The following ABHD12 variants were observed in gnomAD, a reference collection of about 807,000 sequenced individuals.
ABHD12 encodes the protein abhydrolase domain containing 12, lysophospholipase.
A neutral mutation model predicts 58.3 loss-of-function variants in ABHD12; 43 were observed. The observed-to-expected ratio is 0.74, with a 90% confidence interval of 0.58 to 0.95. The LOEUF (loss-of-function observed/expected upper bound fraction) is 0.95. Ranked by LOEUF, ABHD12 falls within the 40% of genes least tolerant of loss-of-function variation. The probability of loss-of-function intolerance (pLI) is 0.00; values close to 1 mark genes in which losing one functional copy is unlikely to be tolerated. For synonymous variants in ABHD12, 219 were observed against 211.2 expected, an observed-to-expected ratio of 1.04 and a Z score of -0.32; for missense variants, 539 against 537.2, an observed-to-expected ratio of 1.00 and a Z score of -0.03.
chr20:25,303,539 C>G lies in ABHD12; in HGVS notation c.1029+11G>C, dbSNP rs779997908. 1 of 1,613,094 alleles carries G rather than the reference C, an allele frequency of 6.2e-7. No homozygotes were observed. Among genetic ancestry groups the G allele is most frequent in the Non-Finnish European group, 8.5e-7 (1 of 1,179,826 alleles). On this transcript the variant is annotated intron_variant, in intron 11 of 12. Coordinates refer to ENST00000339157, the MANE Select transcript of ABHD12 (RefSeq NM_001042472.3). ...ATGCCAGCTACACCAGAGGCAGAGG[C>G]CAGGACCCACCTTTCTGCCAAGCTG... is the stretch of plus-strand genomic sequence containing the variant.
intron 5 of ABHD12, among the ~76,000 whole-genome samples, chr20:25,315,863 T>C (rs2482948): frequency 0.62 from 93,965 of 152,226 alleles, 30,593 homozygotes; most frequent in African/African-American, 0.79. Flanking sequence ...CTGTCTGTGT[T>C]CCCTTCTGCC....
chr20:25,357,809 A>G (rs2482933), intron 1 of ABHD12, among the ~76,000 whole-genome samples: 128,267 of 152,088 alleles, frequency 0.84, 54,373 homozygotes, highest in African/African-American at 0.92. Flanking sequence ...CCAAGAGTTC[A>G]AGACCAGCCT....
intron 1 of ABHD12, among the ~76,000 whole-genome samples, chr20:25,341,975 CCTTA>C (rs1399845876): frequency 6.6e-6 from 1 of 152,038 alleles, no homozygotes; most frequent in Non-Finnish European, 1.5e-5. Context: ...CAGATCTCTG[CCTTA>C]CTGTAAGGCA....
intron 6 of ABHD12, among the ~76,000 whole-genome samples, chr20:25,312,819 T>G (rs1288232671): frequency 8.8e-5 from 13 of 148,146 alleles, no homozygotes; most frequent in African/African-American, 3.2e-4. Context: ...GGAGCGCCTC[T>G]GCCCGGCCGC....
chr20:25,368,561 T>C, intron 1 of ABHD12: 4 of 1,399,394 alleles, frequency 2.9e-6, no homozygotes, highest in African/African-American at 1.4e-5. Flanking sequence ...AGTGCCATTA[T>C]GGGTGTGAAG....
chr20:25,312,572 C>G (rs1198901581), intron 6 of ABHD12, among the ~76,000 whole-genome samples: 1 of 152,208 alleles, frequency 6.6e-6, no homozygotes, highest in Admixed American at 6.5e-5. Context: ...CCCAAAGTGC[C>G]GAGATTGCAG....
At chr20:25,353,103 G>C (rs959894507) in intron 1 of ABHD12, among the ~76,000 whole-genome samples, 3 of 152,242 alleles carry the variant, frequency 2.0e-5, no homozygotes, top group Non-Finnish European at 4.4e-5. Context: ...AATTATGAAG[G>C]ACACATACAA....
intron 1 of ABHD12, among the ~76,000 whole-genome samples, chr20:25,388,243 A>G (rs1377641563): frequency 6.6e-6 from 1 of 152,162 alleles, no homozygotes; most frequent in Admixed American, 6.6e-5. Context: ...AAGGATCATA[A>G]AAGACACAAA....
In ABHD12 at chr20:25,381,028, G is replaced by A. The variant is rs143147563; in HGVS notation, c.191+9485C>T. On this transcript the variant is annotated intron_variant, in intron 1 of 12. Coordinates refer to ENST00000339157, the MANE Select transcript of ABHD12 (RefSeq NM_001042472.3). ...CATGCCTCTTCTTATCTCCACAGCT[G>A]CTGTCCCGGCCTGAGCCCCTGTCAT... Among the ~76,000 whole-genome samples the A allele has an allele frequency of 1.8e-3, 272 of 152,298 alleles. 1 individual carries two copies. The highest frequency in any genetic ancestry group is 6.4e-3 in the African/African-American group (264 of 41,556).
chr20:25,309,951 C>T (rs1243521847), intron 6 of ABHD12, among the ~76,000 whole-genome samples: 4 of 152,256 alleles, frequency 2.6e-5, no homozygotes, highest in Non-Finnish European at 5.9e-5. Flanking sequence ...CCGGCATCCT[C>T]AGGCCAGGGC....
At chr20:25,358,719 C>T (rs530544410) in intron 1 of ABHD12, among the ~76,000 whole-genome samples, 1 of 152,270 alleles carries the variant, frequency 6.6e-6, no homozygotes, top group East Asian at 1.9e-4. Flanking sequence ...ACTCCGGGCA[C>T]ACGTGAACTT....
Position 25,300,862 on chromosome 20 carries a change from G to C in ABHD12, c.1180C>G (p.Pro394Ala), listed in dbSNP as rs2088623064. The C allele has an allele frequency of 1.2e-6, 2 of 1,613,932 alleles. No individual in the cohort carries two copies. Among genetic ancestry groups the C allele is most frequent in the African/African-American group, 2.7e-5 (2 of 74,920 alleles). ...ILREFLGKSE[P>A]EHQH The stretch of plus-strand genomic sequence containing the variant: ...GGCCAGGCTCAGTGCTGGTGCTCAG[G>C]CTCCGACTTCCCCAGGAATTCCCTA... The change falls in exon 13 of 13, where the codon CCT becomes GCT. Residue 394 changes from proline to alanine, a missense_variant. By Grantham distance (27) the Pro-to-Ala change is conservative. Transcript: ENST00000339157.
chr20:25,323,476 T>C (rs937353941), intron 2 of ABHD12, 46 bp from the exon 3 acceptor site: 2 of 1,110,786 alleles, frequency 1.8e-6, no homozygotes, highest in Admixed American at 1.7e-5. Context: ...GGTGGATGAA[T>C]ACACACATGT....
intron 1 of ABHD12, among the ~76,000 whole-genome samples, chr20:25,376,514 G>A (rs963157940): frequency 2.0e-5 from 3 of 152,196 alleles, no homozygotes; most frequent in Admixed American, 1.3e-4. Context: ...ATCCTACTGT[G>A]AGAAGGCCTT....
chr20:25,353,504 C>G (rs193159738), intron 1 of ABHD12, among the ~76,000 whole-genome samples: 16 of 152,284 alleles, frequency 1.1e-4, no homozygotes, highest in African/African-American at 2.6e-4. Context: ...ATGCAGCACT[C>G]AGGAGGGCAC....
chr20:25,390,743 G>GCCTCCGCCT lies in ABHD12; in HGVS notation c.-41_-40insAGGCGGAGG, dbSNP rs1462561147. 6 of 1,122,712 alleles carry GCCTCCGCCT rather than the reference G, an allele frequency of 5.3e-6. No individual in the cohort carries two copies. The highest frequency in any genetic ancestry group is 4.1e-5 in the African/African-American group (1 of 24,612). The allele number at this position is 1,122,712 out of a possible 1,614,324, so 69.5% of individuals were successfully genotyped here. On this transcript the variant is annotated 5_prime_UTR_variant, in exon 1 of 13. Coordinates refer to ENST00000339157, the MANE Select transcript of ABHD12 (RefSeq NM_001042472.3). ...GGCCAGCCGCCGACGGCGCCCGCTG[G>GCCTCCGCCT]CCTGCGCCGCAGTGCCGCCGCTCAC...
downstream of ABHD12, chr20:25,296,834 A>G: frequency 2.7e-6 from 1 of 367,124 alleles, no homozygotes. Context: ...GCTCCCCCAG[A>G]ACTTTGCACA....
At position 25,390,601 on chromosome 20, in the gene ABHD12, G is replaced by T. The variant is rs749409983; in HGVS notation, c.103C>A (p.Arg35Ser). ...GTCAGGCGTAGGTTCTGCTTCAGGC[G>T]GCAGTCGGCGTCCAGCGCCGCGGCG... ...SAAAALDADC[R>S]LKQNLRLTGP... Residue 35 changes from arginine (R) to serine (S), a missense_variant, in exon 1 of 13, where the codon CGC becomes AGC. Transcript: ENST00000339157. 6.8e-7 allele frequency: 1 copy of T among 1,470,642 alleles called. No individual in the cohort carries two copies. The highest frequency in any genetic ancestry group is 1.3e-5 in the South Asian group (1 of 78,404). The allele number at this position is 1,470,642 out of a possible 1,614,324, so 91.1% of individuals were successfully genotyped here. A position where few individuals can be genotyped will look rare whatever the true frequency, so the allele number is the denominator to read the frequency against.
chr20:25,337,824 C>T (rs2089397919), intron 2 of ABHD12, among the ~76,000 whole-genome samples: 1 of 152,174 alleles, frequency 6.6e-6, no homozygotes, highest in Non-Finnish European at 1.5e-5. Flanking sequence ...AACAAAACTC[C>T]CATCATTTTG....
Sources: allele counts gnomAD v4.1 joint callset (sites outside exome capture counted in the v4.1 genomes callset), GRCh38; gene constraint gnomAD v4.1.1; transcripts MANE v1.5; gene names NCBI Gene and HGNC (gene_info 2026-07-23, HGNC 2026-07-21).